CSMD1: variants seen among roughly 807,000 people sequenced by gnomAD.
CSMD1 encodes the protein CUB and sushi domain-containing protein 1.
In CSMD1, 213 loss-of-function variants were observed where a neutral mutation model predicts 417.5. The ratio of observed to expected loss-of-function variants is 0.51; its 90% CI spans 0.46 to 0.57. The LOEUF (loss-of-function observed/expected upper bound fraction) is 0.57, where lower values mean the gene tolerates loss of function less well. Ranked by LOEUF, CSMD1 falls within the 20% of genes least tolerant of loss-of-function variation. The pLI is 0.00. For missense variants in CSMD1, 6,923 were observed against 4,529.7 expected (o/e 1.53, Z -15.17); for synonymous variants, 2,862 against 1,736.8 (o/e 1.65, Z -16.11).
intron 21 of CSMD1, 75 bp downstream of exon 21, chr8:3,359,077 G>T: frequency 6.9e-7 from 1 of 1,451,834 alleles, no homozygotes; most frequent in Admixed American, 1.7e-5. Context: ...ACCCGACCCC[G>T]ACCACCCTAG....
intron 2 of CSMD1, among the ~76,000 whole-genome samples, chr8:4,492,252 G>C (rs2130221848): frequency 6.6e-6 from 1 of 152,218 alleles, no homozygotes; most frequent in East Asian, 1.9e-4. Context: ...AGCATGCTCA[G>C]CTAACGATTT....
intron 11 of CSMD1, among the ~76,000 whole-genome samples, chr8:3,483,258 G>A (rs1476133324): frequency 6.6e-6 from 1 of 151,996 alleles, no homozygotes; most frequent in Non-Finnish European, 1.5e-5. Context: ...GGGAGAGAGA[G>A]ATAGAAGGGA....
At chr8:4,205,397 G>C (rs890828984) in intron 3 of CSMD1, among the ~76,000 whole-genome samples, 2 of 152,210 alleles carry the variant, frequency 1.3e-5, no homozygotes, top group African/African-American at 4.8e-5. Flanking sequence ...GCCTTGGCAT[G>C]TGCCTCATCT....
intron 2 of CSMD1, among the ~76,000 whole-genome samples, chr8:4,497,947 G>A (rs1285311170): frequency 6.6e-6 from 1 of 152,144 alleles, no homozygotes; most frequent in African/African-American, 2.4e-5. Flanking sequence ...AACTGCCCGT[G>A]GGGTTTCCTA....
rs546910748 is a variant in CSMD1 at position 4,630,477 on chromosome 8, AAAAC to A, written c.302+6861_302+6864del. On this transcript the variant is annotated intron_variant, in intron 2 of 69. Coordinates refer to ENST00000635120, the MANE Select transcript of CSMD1 (RefSeq NM_033225.6). ...CAAAAACAAAACAAAACAAAAACGA[AAAAC>A]AAACAAAAAACAAAAACAAAAATAC... Among the ~76,000 whole-genome samples, 503 of 152,282 alleles carry A rather than the reference AAAAC, an allele frequency of 3.3e-3. 3 individuals carry two copies. The highest frequency in any genetic ancestry group is 0.011 in the African/African-American group (476 of 41,548).
At chr8:4,782,262 T>G (rs964890868) in intron 1 of CSMD1, among the ~76,000 whole-genome samples, 1 of 152,182 alleles carries the variant, frequency 6.6e-6, no homozygotes, top group African/African-American at 2.4e-5. Context: ...TTCAATATCC[T>G]TACCAAAAGT....
chr8:3,732,677 T>C (rs1334661501), intron 6 of CSMD1, among the ~76,000 whole-genome samples: 1 of 152,146 alleles, frequency 6.6e-6, no homozygotes, highest in East Asian at 1.9e-4. Context: ...AATTGATTTT[T>C]TTTAAGACAG....
chr8:4,582,591 A>C (rs781209955), intron 2 of CSMD1, among the ~76,000 whole-genome samples: 5 of 152,214 alleles, frequency 3.3e-5, no homozygotes, highest in Non-Finnish European at 7.3e-5. Context: ...GCTGAAGGTC[A>C]CTGAAGGGCT....
At chr8:3,838,986 TATC>T (rs1802914570) in intron 5 of CSMD1, among the ~76,000 whole-genome samples, 1 of 126,278 alleles carries the variant, frequency 7.9e-6, no homozygotes, top group Non-Finnish European at 1.6e-5. Flanking sequence ...ATATATTATA[TATC>T]ATATAATTAT....
At chr8:3,056,219 T>C (rs565877693) in intron 49 of CSMD1, among the ~76,000 whole-genome samples, 31 of 152,152 alleles carry the variant, frequency 2.0e-4, no homozygotes, top group Non-Finnish European at 4.1e-4. Flanking sequence ...GGTGTAACAG[T>C]TTGATTTCAA....
chr8:3,037,920 T>C (rs192013134), intron 50 of CSMD1, among the ~76,000 whole-genome samples: 1 of 152,174 alleles, frequency 6.6e-6, no homozygotes, highest in South Asian at 2.1e-4. Flanking sequence ...GTCATATTCT[T>C]AGGGTTTCGA....
chr8:4,426,333 G>C (rs546434276), intron 2 of CSMD1, among the ~76,000 whole-genome samples: 55 of 150,566 alleles, frequency 3.7e-4, no homozygotes, highest in African/African-American at 1.2e-3. Flanking sequence ...TAATTATGTA[G>C]TATATAGCAT....
chr8:4,094,601 T>C (rs1022152173), intron 3 of CSMD1, among the ~76,000 whole-genome samples: 1 of 152,080 alleles, frequency 6.6e-6, no homozygotes, highest in African/African-American at 2.4e-5. Flanking sequence ...TGTGCTTGTG[T>C]AGGTCAGAGG....
rs1808710650 is a variant in CSMD1, at chr8:4,950,991, A to AAAACAC, written c.85+43340_85+43341insGTGTTT. On this transcript the variant is annotated intron_variant, in intron 1 of 69. Transcript: ENST00000635120. ...AAAAACAAAAACAAAAACAAAAACAAACAAACAAAAAAAATTAATAGAGAA... is the reference window on the plus strand; with the variant it reads ...AAAAACAAAAACAAAAACAAAAACAAAAACACACAAACAAAAAAAATTAATAGAGAA... Among the ~76,000 whole-genome samples, 2 of 151,348 alleles carry AAAACAC rather than the reference A, an allele frequency of 1.3e-5. 1 individual carries two copies. The highest frequency in any genetic ancestry group is 4.2e-4 in the South Asian group (2 of 4,722).
At chr8:4,296,194 T>TC (rs1174200598) in intron 3 of CSMD1, among the ~76,000 whole-genome samples, 3 of 152,244 alleles carry the variant, frequency 2.0e-5, no homozygotes, top group African/African-American at 7.2e-5. Context: ...ACCTTAGTCC[T>TC]CAACTCATCT....
At chr8:4,786,206 TC>T (rs1421960658) in intron 1 of CSMD1, among the ~76,000 whole-genome samples, 1 of 152,222 alleles carries the variant, frequency 6.6e-6, no homozygotes, top group African/African-American at 2.4e-5. Context: ...TAAGCAAGAA[TC>T]TTATTTCACC....
chr8:3,018,718 CAAACAA>C (rs1357444007), intron 51 of CSMD1, 68 bp from the exon 52 acceptor site: 15 of 1,385,348 alleles, frequency 1.1e-5, no homozygotes, highest in Non-Finnish European at 1.5e-5. Flanking sequence ...TCCAAACAAA[CAAACAA>C]AAACAAACAA....
intron 1 of CSMD1, among the ~76,000 whole-genome samples, chr8:4,666,283 T>C (rs979468483): frequency 1.3e-5 from 2 of 152,162 alleles, no homozygotes; most frequent in Non-Finnish European, 2.9e-5. Context: ...TAAGCTAACC[T>C]TAGAATAGAA....
intron 7 of CSMD1, among the ~76,000 whole-genome samples, chr8:3,706,431 A>T (rs1801173693): frequency 6.6e-6 from 1 of 152,136 alleles, no homozygotes. Context: ...TACCTTCCTC[A>T]TCTTAGAAGG....
Sources: gnomAD v4.1 joint callset for allele counts (sites outside exome capture counted in the v4.1 genomes callset) on GRCh38, gnomAD v4.1.1 for gene constraint, MANE v1.5 for transcripts, NCBI Gene and HGNC (gene_info 2026-07-23, HGNC 2026-07-21) for gene names.